Variants in GABRB1 observed in about 807,000 individuals in gnomAD.
The protein encoded by GABRB1 is gamma-aminobutyric acid receptor subunit beta-1.
A neutral mutation model predicts 51.6 loss-of-function variants in GABRB1; 17 were observed. The observed-to-expected ratio is 0.33, with a 90% CI of 0.23 to 0.49. GABRB1 has a LOEUF of 0.49. GABRB1 is among the 20% of genes least tolerant of loss of function. The pLI is 0.99. For synonymous variants in GABRB1, 247 were observed against 218.9 expected, an observed-to-expected ratio of 1.13 and a Z score of -1.14; for missense variants, 410 against 600.6, an observed-to-expected ratio of 0.68 and a Z score of 3.32.
chr4:47,131,862 A>G (rs756188369), intron 3 of GABRB1, among the ~76,000 whole-genome samples: 2 of 152,182 alleles, frequency 1.3e-5, no homozygotes, highest in South Asian at 2.1e-4. Flanking sequence ...TCTGAGAACC[A>G]TTACTAATTT....
intron 4 of GABRB1, among the ~76,000 whole-genome samples, chr4:47,292,747 A>G (rs968838226): frequency 6.6e-6 from 1 of 152,178 alleles, no homozygotes; most frequent in African/African-American, 2.4e-5. Context: ...AGGGCCTGGC[A>G]TCTGGCAAGG....
At chr4:47,109,883 A>G (rs985302242) in intron 3 of GABRB1, among the ~76,000 whole-genome samples, 14 of 152,058 alleles carry the variant, frequency 9.2e-5, no homozygotes, top group African/African-American at 3.4e-4. Context: ...CCCCAGAGCT[A>G]GTGTCATTGT....
At chr4:47,180,020 G>A (rs1011916515) in intron 4 of GABRB1, among the ~76,000 whole-genome samples, 7 of 152,044 alleles carry the variant, frequency 4.6e-5, no homozygotes, top group Admixed American at 1.3e-4. Context: ...AGCCTGGGCA[G>A]CATAGCCAAA....
Position 47,237,589 on chromosome 4 carries a change from C to A in GABRB1, c.461+76120C>A, listed in dbSNP as rs534825737. On this transcript the variant is annotated intron_variant, in intron 4 of 8. Transcript: ENST00000295454. The stretch of plus-strand genomic sequence containing the variant: ...TGTACTTTAAATTAGTTAATAATTG[C>A]AAAAAAATACCAATTCCAGATTCCA... 6.6e-4 allele frequency among the ~76,000 whole-genome samples: 100 copies of A among 151,714 alleles called. 2 individuals are homozygous for A. The South Asian group carries it at 0.02, about 31-fold the overall frequency.
chr4:47,324,665 T>C (rs980458942), intron 5 of GABRB1, among the ~76,000 whole-genome samples: 1 of 152,238 alleles, frequency 6.6e-6, no homozygotes, highest in Non-Finnish European at 1.5e-5. Flanking sequence ...TCTTATGCTG[T>C]GGCTCTCAGA....
chr4:47,246,591 G>A (rs1721770555), intron 4 of GABRB1, among the ~76,000 whole-genome samples: 1 of 150,634 alleles, frequency 6.6e-6, no homozygotes, highest in Non-Finnish European at 1.5e-5. Flanking sequence ...TTAGTTCTTT[G>A]AGGAATCTTC....
At chr4:47,218,643 T>C (rs1720649163) in intron 4 of GABRB1, among the ~76,000 whole-genome samples, 2 of 151,880 alleles carry the variant, frequency 1.3e-5, no homozygotes, top group Non-Finnish European at 2.9e-5. Flanking sequence ...ATTTGAGAAA[T>C]GTCTATTCAG....
intron 4 of GABRB1, among the ~76,000 whole-genome samples, chr4:47,234,049 C>T (rs1244547333): frequency 1.3e-5 from 2 of 152,154 alleles, no homozygotes; most frequent in Admixed American, 6.5e-5. Flanking sequence ...TTCTTCTTCA[C>T]TGTTTTTACC....
intron 3 of GABRB1, among the ~76,000 whole-genome samples, chr4:47,087,335 A>G (rs1330392872): frequency 6.6e-6 from 1 of 152,148 alleles, no homozygotes; most frequent in Non-Finnish European, 1.5e-5. Flanking sequence ...TTATGATTAC[A>G]TATAACATTG....
intron 3 of GABRB1, among the ~76,000 whole-genome samples, chr4:47,097,324 T>C: frequency 6.6e-6 from 1 of 152,274 alleles, no homozygotes; most frequent in East Asian, 1.9e-4. Context: ...TAGGACTCTG[T>C]GCTTGGTGTC....
intron 4 of GABRB1, among the ~76,000 whole-genome samples, chr4:47,267,089 C>T (rs756898608): frequency 6.6e-6 from 1 of 151,950 alleles, no homozygotes; most frequent in Admixed American, 6.6e-5. Context: ...TTAAAATGAA[C>T]AAACAGCAAA....
At chr4:47,406,295 A>G (rs1728563411) in intron 7 of GABRB1, among the ~76,000 whole-genome samples, 2 of 152,214 alleles carry the variant, frequency 1.3e-5, no homozygotes, top group Non-Finnish European at 2.9e-5. Flanking sequence ...TCACAAAGAC[A>G]GATTTAGGAG....
chr4:47,198,326 C>T (rs1384330742), intron 4 of GABRB1, among the ~76,000 whole-genome samples: 1 of 152,010 alleles, frequency 6.6e-6, no homozygotes, highest in Non-Finnish European at 1.5e-5. Flanking sequence ...TGCTAACACC[C>T]AAAGATGGGG....
chr4:47,033,619 A>T (rs1276729444), intron 3 of GABRB1, among the ~76,000 whole-genome samples: 1 of 152,172 alleles, frequency 6.6e-6, no homozygotes, highest in Admixed American at 6.5e-5. Context: ...CTTTCATTTC[A>T]TTCCTACTGT....
chr4:47,320,162 G>A lies in GABRB1; in HGVS notation c.497G>A (p.Arg166Gln). ...ACAGCTGCATGTATGATGGATCTTC[G>A]AAGATATCCATTGGATGAGCAGAAC... is the stretch of plus-strand genomic sequence containing the variant. ...TTTAACMMDL[R>Q]RYPLDEQNCT... The change falls in exon 5 of 9, where the codon CGA (arginine) becomes CAA (glutamine). Residue 166 changes from arginine (R) to glutamine (Q), a missense_variant. This residue lies in a region of GABRB1 where 100 missense variants were observed against 184.3 expected (regional missense o/e 0.54). Coordinates refer to ENST00000295454, the MANE Select transcript of GABRB1 (RefSeq NM_000812.4). 1 of 1,608,034 alleles carries A rather than the reference G, an allele frequency of 6.2e-7. No homozygotes were observed. The highest frequency in any genetic ancestry group is 8.5e-7 in the Non-Finnish European group (1 of 1,174,472).
intron 3 of GABRB1, among the ~76,000 whole-genome samples, chr4:47,118,686 G>T (rs1306110602): frequency 1.3e-5 from 2 of 152,080 alleles, no homozygotes; most frequent in Non-Finnish European, 2.9e-5. Context: ...CCTCAAAAAT[G>T]CATGTGAGTA....
chr4:47,317,877 T>C (rs913302146), intron 4 of GABRB1, among the ~76,000 whole-genome samples: 2 of 151,954 alleles, frequency 1.3e-5, no homozygotes, highest in African/African-American at 2.4e-5. Context: ...CGGTGAATCA[T>C]CCTTGTATCC....
intron 4 of GABRB1, among the ~76,000 whole-genome samples, chr4:47,287,482 G>T (rs1723554407): frequency 1.3e-5 from 2 of 152,018 alleles, no homozygotes; most frequent in African/African-American, 2.4e-5. Flanking sequence ...TACCTTTCCA[G>T]TGAATAATTA....
chr4:47,336,765 G>A (rs1725715810), intron 5 of GABRB1, among the ~76,000 whole-genome samples: 1 of 152,182 alleles, frequency 6.6e-6, no homozygotes. Context: ...TCTAAATGGA[G>A]TGGATGGAAG....
Sources: gnomAD v4.1 joint callset for allele counts (sites outside exome capture counted in the v4.1 genomes callset) on GRCh38, gnomAD v4.1.1 for gene constraint, gnomAD v4.1.1 regional missense constraint, MANE v1.5 for transcripts, NCBI Gene and HGNC (gene_info 2026-07-23, HGNC 2026-07-21) for gene names.